Variants in PFDN1 observed in about 807,000 individuals in gnomAD.
PFDN1 encodes the protein prefoldin subunit 1.
PFDN1 carries 6 observed loss-of-function variants against 17.3 expected under a neutral mutation model. The observed-to-expected ratio is 0.35, with a 90% CI of 0.19 to 0.69. PFDN1 has a LOEUF of 0.69. Among genes scored for constraint, PFDN1 ranks in the 30% least tolerant of loss-of-function variants. The pLI is 0.65. For synonymous variants in PFDN1, 58 were observed against 50.1 expected (o/e 1.16, Z -0.67); for missense variants, 113 against 146.2 (o/e 0.77, Z 1.17).
At chr5:140,288,555 T>A (rs1765531901) in intron 2 of PFDN1, among the ~76,000 whole-genome samples, 1 of 152,192 alleles carries the variant, frequency 6.6e-6, no homozygotes, top group Non-Finnish European at 1.5e-5. Context: ...TATGTTTTCA[T>A]CAATTGTAAC....
intron 3 of PFDN1, among the ~76,000 whole-genome samples, chr5:140,256,658 CAA>C (rs757723797): frequency 8.8e-4 from 35 of 39,896 alleles, no homozygotes; most frequent in African/African-American, 2.3e-3. Flanking sequence ...CAAAAAATGA[CAA>C]AAAAAAAAAA....
intron 3 of PFDN1, among the ~76,000 whole-genome samples, chr5:140,252,841 G>A (rs1050690151): frequency 6.6e-6 from 1 of 152,234 alleles, no homozygotes; most frequent in African/African-American, 2.4e-5. Flanking sequence ...CAGCAGGCAG[G>A]GGCAGGGCAG....
intron 3 of PFDN1, among the ~76,000 whole-genome samples, chr5:140,279,820 A>C (rs1765362526): frequency 6.6e-6 from 1 of 151,786 alleles, no homozygotes; most frequent in Non-Finnish European, 1.5e-5. Context: ...ACAAGGAGAA[A>C]TCCCATCTCT....
At chr5:140,255,072 ATGGAAATTCTATTAAACCTCCT>A (rs1764965616) in intron 3 of PFDN1, among the ~76,000 whole-genome samples, 1 of 152,216 alleles carries the variant, frequency 6.6e-6, no homozygotes. Flanking sequence ...AATGGGCACT[ATGGAAATTCTATTAAACCTCCT>A]TTATATGTTC....
chr5:140,274,992 C>CAA (rs1268320654), intron 3 of PFDN1, among the ~76,000 whole-genome samples: 4 of 65,628 alleles, frequency 6.1e-5, no homozygotes, highest in Non-Finnish European at 6.3e-5. Flanking sequence ...GACTTCATCT[C>CAA]AAAAAAAAAA....
chr5:140,287,382 A>G (rs1765513648), intron 2 of PFDN1, among the ~76,000 whole-genome samples: 1 of 152,264 alleles, frequency 6.6e-6, no homozygotes, highest in Non-Finnish European at 1.5e-5. Flanking sequence ...ATGTACATAC[A>G]CATGAATTAG....
intron 1 of PFDN1, among the ~76,000 whole-genome samples, chr5:140,302,444 G>GT (rs1765762728): frequency 1.3e-5 from 2 of 152,242 alleles, no homozygotes; most frequent in South Asian, 4.1e-4. Context: ...GTTTTGTTTT[G>GT]TTTTTGACAA....
intron 3 of PFDN1, among the ~76,000 whole-genome samples, chr5:140,247,814 C>T: frequency 6.6e-6 from 1 of 151,982 alleles, no homozygotes; most frequent in East Asian, 2.0e-4. Flanking sequence ...ACCTGTAATC[C>T]CAGCTACTTA....
chr5:140,256,658 C>CAAAAAAAAAAAAA (rs757723797), intron 3 of PFDN1, among the ~76,000 whole-genome samples: 36 of 39,878 alleles, frequency 9.0e-4, no homozygotes, highest in East Asian at 1.3e-3. Context: ...CAAAAAATGA[C>CAAAAAAAAAAAAA]AAAAAAAAAA....
In PFDN1 at chr5:140,273,997, G is replaced by A. The variant is rs190815071; in HGVS notation, c.285+7452C>T. Reference sequence around the variant, plus strand: ...AATGTGTTCAAATGTATCATTGAAAGTTTACATTTACCTCAAGGATTCCTA... The same window carrying A: ...AATGTGTTCAAATGTATCATTGAAAATTTACATTTACCTCAAGGATTCCTA... On this transcript the variant is annotated intron_variant, in intron 3 of 3. Coordinates refer to ENST00000261813, the MANE Select transcript of PFDN1 (RefSeq NM_002622.5). 2.0e-4 allele frequency: 85 copies of A among 422,242 alleles called. 2 individuals carry two copies. The highest frequency in any genetic ancestry group is 7.9e-5 in the Non-Finnish European group (25 of 315,804). The allele number at this position is 422,242 out of a possible 1,614,324, so 26.2% of individuals were successfully genotyped here.
Position 140,289,082 on chromosome 5 carries a change from T to A in PFDN1, c.201-7549A>T, listed in dbSNP as rs529300255. Among the ~76,000 whole-genome samples, 18 of 152,122 alleles carry A rather than the reference T, an allele frequency of 1.2e-4. No homozygotes were observed. In the East Asian group the frequency reaches 3.5e-3, roughly 29 times the overall value. On this transcript the variant is annotated intron_variant, in intron 2 of 3. Coordinates refer to ENST00000261813, the MANE Select transcript of PFDN1 (RefSeq NM_002622.5). ...GAGGGGATCACTTGAGTCCAGGAGT[T>A]CAAGACCAGCATGGGCAACATGACA...
intron 3 of PFDN1, among the ~76,000 whole-genome samples, chr5:140,276,780 CA>C (rs35889345): frequency 0.019 from 905 of 46,606 alleles, 2 homozygotes; most frequent in African/African-American, 0.071. Context: ...GACACCGTCT[CA>C]AAAAAAAAAA....
At chr5:140,285,195 G>A (rs1765467179) in intron 2 of PFDN1, among the ~76,000 whole-genome samples, 1 of 152,020 alleles carries the variant, frequency 6.6e-6, no homozygotes, top group African/African-American at 2.4e-5. Context: ...TAGCATTTAG[G>A]TTTCAGGGTA....
intron 2 of PFDN1, among the ~76,000 whole-genome samples, chr5:140,286,253 A>G (rs1029055956): frequency 1.3e-5 from 2 of 151,516 alleles, no homozygotes; most frequent in African/African-American, 4.8e-5. Flanking sequence ...TCTACTAAAA[A>G]TACAAAAAAA....
intron 3 of PFDN1, chr5:140,262,416 G>A (rs1172094987): frequency 4.8e-6 from 2 of 416,966 alleles, no homozygotes; most frequent in East Asian, 1.4e-4. Context: ...CTGGCTCCAT[G>A]AAGAACACGT....
At chr5:140,255,233 C>T (rs1011592777) in intron 3 of PFDN1, among the ~76,000 whole-genome samples, 1 of 150,794 alleles carries the variant, frequency 6.6e-6, no homozygotes, top group Non-Finnish European at 1.5e-5. Context: ...ATCTACTAAT[C>T]GACCTACACC....
chr5:140,281,610 A>G lies in PFDN1; in HGVS notation c.201-77T>C, dbSNP rs533353911. The G allele has an allele frequency of 5.9e-5, 44 of 745,320 alleles. No individual in the cohort carries two copies. In the South Asian group the frequency reaches 6.3e-4, roughly 11 times the overall value. The allele number at this position is 745,320 out of a possible 1,614,324, so 46.2% of individuals were successfully genotyped here. ...CGAAATCAATAGCTACATACTACAA[A>G]TATTAAACTGAGCAAATTAAAAGGA... On this transcript the variant is annotated intron_variant, in intron 2 of 3. Coordinates refer to ENST00000261813, the MANE Select transcript of PFDN1 (RefSeq NM_002622.5).
intron 1 of PFDN1, among the ~76,000 whole-genome samples, chr5:140,300,926 C>T (rs1188467498): frequency 6.6e-6 from 1 of 152,182 alleles, no homozygotes; most frequent in East Asian, 1.9e-4. Flanking sequence ...TAACTCACTA[C>T]ATTTGTATTG....
At chr5:140,256,053 T>C (rs1764981063) in intron 3 of PFDN1, among the ~76,000 whole-genome samples, 1 of 152,188 alleles carries the variant, frequency 6.6e-6, no homozygotes, top group Non-Finnish European at 1.5e-5. Flanking sequence ...ACTTTCTCCT[T>C]CTAGCTTTCA....
Sources: allele counts gnomAD v4.1 joint callset (sites outside exome capture counted in the v4.1 genomes callset), GRCh38; gene constraint gnomAD v4.1.1; transcripts MANE v1.5; gene names NCBI Gene and HGNC (gene_info 2026-07-23, HGNC 2026-07-21).